ZFAND6: variants seen among roughly 807,000 people sequenced by gnomAD.
The protein encoded by ZFAND6 is zinc finger AN1-type containing 6, also known as AN1-type zinc finger protein 6.
A neutral mutation model predicts 24.5 loss-of-function variants in ZFAND6; 12 were observed. The observed-to-expected ratio is 0.49, with a 90% CI of 0.31 to 0.79. ZFAND6 has a LOEUF of 0.79. Ranked by LOEUF, ZFAND6 falls within the 30% of genes least tolerant of loss-of-function variation. The pLI is 0.04. For synonymous variants in ZFAND6, 92 were observed against 81.5 expected, an observed-to-expected ratio of 1.13 and a Z score of -0.69; for missense variants, 207 against 245.9, an observed-to-expected ratio of 0.84 and a Z score of 1.06.
At chr15:80,108,988 A>G (rs958987477) in intron 2 of ZFAND6, among the ~76,000 whole-genome samples, 1 of 152,136 alleles carries the variant, frequency 6.6e-6, no homozygotes, top group Non-Finnish European at 1.5e-5. Flanking sequence ...TCGGCCTCCC[A>G]AAGTGCTGGG....
chr15:80,104,069 T>C (rs1209907916), intron 2 of ZFAND6, among the ~76,000 whole-genome samples: 3 of 152,150 alleles, frequency 2.0e-5, no homozygotes, highest in Non-Finnish European at 4.4e-5. Flanking sequence ...AGGCTGGTCT[T>C]GAACTCAAGC....
chr15:80,064,281 A>G (rs2036489171), intron 1 of ZFAND6, among the ~76,000 whole-genome samples: 2 of 152,302 alleles, frequency 1.3e-5, no homozygotes, highest in South Asian at 4.1e-4. Flanking sequence ...AGTTTGACTA[A>G]CATCAAACTT....
chr15:80,105,699 G>A (rs2039286205), intron 2 of ZFAND6, among the ~76,000 whole-genome samples: 2 of 152,176 alleles, frequency 1.3e-5, no homozygotes, highest in Admixed American at 1.3e-4. Context: ...TTGAAGATGA[G>A]TCAGTTCTTT....
intron 6 of ZFAND6, among the ~76,000 whole-genome samples, chr15:80,132,133 T>C (rs72738490): frequency 0.14 from 21,803 of 152,278 alleles, 2,048 homozygotes; most frequent in Non-Finnish European, 0.21. Flanking sequence ...TAAAAACTTA[T>C]ACAGTTGACT....
rs149756891 is a variant in ZFAND6 at position 80,065,537 on chromosome 15, A to ATTTT, written c.-181+5750_-181+5753dup. On this transcript the variant is annotated intron_variant, in intron 1 of 6. Coordinates refer to ENST00000261749, the MANE Select transcript of ZFAND6 (RefSeq NM_019006.4). ...GGGCTTCAAATTAGTTTTGGTTTTG[A>ATTTT]TTTTTTTTTTTTTTTTTTTTTTTTT... 7.1e-4 allele frequency among the ~76,000 whole-genome samples: 54 copies of ATTTT among 76,496 alleles called. 1 individual carries two copies. The highest frequency in any genetic ancestry group is 2.5e-3 in the African/African-American group (47 of 18,954). The allele number at this position is 76,496 out of a possible 152,430, so 50.2% of individuals were successfully genotyped here. A position where few individuals can be genotyped will look rare whatever the true frequency, so the allele number is the denominator to read the frequency against.
chr15:80,131,348 A>T, intron 6 of ZFAND6, 55 bp downstream of exon 6: 1 of 1,449,758 alleles, frequency 6.9e-7, no homozygotes, highest in Non-Finnish European at 9.6e-7. Flanking sequence ...AATAATGCAT[A>T]GCTTACTGTT....
At chr15:80,084,095 C>T (rs1163653046) in intron 1 of ZFAND6, among the ~76,000 whole-genome samples, 11 of 152,094 alleles carry the variant, frequency 7.2e-5, no homozygotes, top group African/African-American at 2.4e-5. Flanking sequence ...GAATCCAGGC[C>T]TTGTCTCAGT....
At chr15:80,101,686 T>C (rs2039040320) in intron 2 of ZFAND6, among the ~76,000 whole-genome samples, 1 of 152,100 alleles carries the variant, frequency 6.6e-6, no homozygotes, top group South Asian at 2.1e-4. Context: ...GATTGGTTCT[T>C]GTATCAGATA....
At chr15:80,066,991 T>G (rs2141796626) in intron 1 of ZFAND6, among the ~76,000 whole-genome samples, 1 of 152,232 alleles carries the variant, frequency 6.6e-6, no homozygotes, top group South Asian at 2.1e-4. Context: ...TGTAGAAAAT[T>G]TGGAACTTTG....
chr15:80,077,962 G>T (rs1055965201), intron 1 of ZFAND6, among the ~76,000 whole-genome samples: 1 of 152,134 alleles, frequency 6.6e-6, no homozygotes, highest in Middle Eastern at 3.2e-3. Context: ...GCCTCCCAAA[G>T]TGCTGGGATT....
At chr15:80,080,359 C>CCCTT (rs2037588617) in intron 1 of ZFAND6, among the ~76,000 whole-genome samples, 1 of 152,120 alleles carries the variant, frequency 6.6e-6, no homozygotes. Context: ...CAGTAGTTGC[C>CCCTT]CCTTATTCAT....
At chr15:80,114,827 A>T (rs2039795347) in intron 2 of ZFAND6, among the ~76,000 whole-genome samples, 1 of 152,206 alleles carries the variant, frequency 6.6e-6, no homozygotes, top group Non-Finnish European at 1.5e-5. Context: ...GGAAAAACAA[A>T]TTTTTTCAAG....
At chr15:80,124,495 A>T (rs773208157) in intron 5 of ZFAND6, among the ~76,000 whole-genome samples, 7 of 152,248 alleles carry the variant, frequency 4.6e-5, no homozygotes, top group Non-Finnish European at 7.3e-5. Flanking sequence ...AGAATACAAT[A>T]GTATTTACAG....
At chr15:80,082,287 G>T (rs867912578) in intron 1 of ZFAND6, among the ~76,000 whole-genome samples, 5 of 152,252 alleles carry the variant, frequency 3.3e-5, no homozygotes, top group Middle Eastern at 6.8e-3. Context: ...TTAACTTTAA[G>T]TTCTCACAAT....
intron 5 of ZFAND6, among the ~76,000 whole-genome samples, chr15:80,128,694 C>T (rs745310546): frequency 1.2e-4 from 19 of 152,126 alleles, no homozygotes; most frequent in Admixed American, 4.6e-4. Context: ...GGTATATAAT[C>T]GACATTTATT....
chr15:80,078,449 A>G (rs984379284), intron 1 of ZFAND6, among the ~76,000 whole-genome samples: 3 of 152,230 alleles, frequency 2.0e-5, no homozygotes, highest in Non-Finnish European at 4.4e-5. Context: ...TTCTTTATGT[A>G]GTCCACTGTT....
intron 2 of ZFAND6, among the ~76,000 whole-genome samples, chr15:80,112,177 T>A (rs1377347561): frequency 6.6e-6 from 1 of 152,028 alleles, no homozygotes; most frequent in Non-Finnish European, 1.5e-5. Context: ...GGAGAATTGC[T>A]TGAACCTGGG....
intron 1 of ZFAND6, chr15:80,060,326 C>T (rs2036261705): frequency 6.6e-6 from 1 of 152,240 alleles, no homozygotes. Flanking sequence ...CAACTCCTGA[C>T]TGGCACCGGG....
chr15:80,086,449 C>T (rs183112295), intron 1 of ZFAND6, among the ~76,000 whole-genome samples: 23 of 152,268 alleles, frequency 1.5e-4, no homozygotes, highest in African/African-American at 5.5e-4. Context: ...TACCACAATC[C>T]ACTTTTAGAA....
Sources: gnomAD v4.1 joint callset for allele counts (sites outside exome capture counted in the v4.1 genomes callset) on GRCh38, gnomAD v4.1.1 for gene constraint, MANE v1.5 for transcripts, NCBI Gene and HGNC (gene_info 2026-07-23, HGNC 2026-07-21) for gene names.